The following TUBGCP3 variants were observed in gnomAD, a reference collection of about 807,000 sequenced individuals.
TUBGCP3 encodes the protein tubulin gamma complex component 3, also known as gamma-tubulin complex component 3.
In TUBGCP3, 50 loss-of-function variants were observed where a neutral mutation model predicts 123.1. That is an observed-to-expected ratio of 0.41 (90% CI 0.32 to 0.51). The LOEUF (loss-of-function observed/expected upper bound fraction) is 0.51. Among genes scored for constraint, TUBGCP3 ranks in the 20% least tolerant of loss-of-function variants. The pLI is 0.36. For missense variants in TUBGCP3, 882 were observed against 1,127.0 expected (o/e 0.78, Z 3.11); for synonymous variants, 405 against 413.9 (o/e 0.98, Z 0.26).
At chr13:112,566,996 A>G (rs1003964277) in intron 2 of TUBGCP3, among the ~76,000 whole-genome samples, 2 of 152,252 alleles carry the variant, frequency 1.3e-5, no homozygotes, top group Non-Finnish European at 2.9e-5. Context: ...CCATAACTCA[A>G]CTGATCTATC....
At chr13:112,516,834 T>C (rs1428534637) in intron 16 of TUBGCP3, among the ~76,000 whole-genome samples, 1 of 152,084 alleles carries the variant, frequency 6.6e-6, no homozygotes, top group East Asian at 1.9e-4. Context: ...GTCTAAAATG[T>C]GGACTCTTCA....
intron 21 of TUBGCP3, among the ~76,000 whole-genome samples, chr13:112,486,904 C>T (rs138902048): frequency 6.6e-6 from 1 of 152,242 alleles, no homozygotes; most frequent in Non-Finnish European, 1.5e-5. Flanking sequence ...TGCGTCCTCA[C>T]CAAGCCCCGC....
chr13:112,564,097 T>C (rs1179467628), intron 3 of TUBGCP3, among the ~76,000 whole-genome samples: 18 of 152,122 alleles, frequency 1.2e-4, no homozygotes. Context: ...CAGTTTGAAA[T>C]AATTTGCCTG....
intron 8 of TUBGCP3, among the ~76,000 whole-genome samples, chr13:112,551,003 G>A (rs906235624): frequency 2.0e-5 from 3 of 152,128 alleles, no homozygotes; most frequent in Non-Finnish European, 4.4e-5. Flanking sequence ...GGAGGCTGAG[G>A]AAGGAGAATG....
In TUBGCP3 at chr13:112,510,378, C is replaced by G. The variant is rs528304528; in HGVS notation, c.2087-5664G>C. ...AATTTGTTCACAATTTCAAAATCAC[C>G]TCCTCAACCCGTATTTATGTATTTA... On this transcript the variant is annotated intron_variant, in intron 17 of 21. Coordinates refer to ENST00000261965, the MANE Select transcript of TUBGCP3 (RefSeq NM_006322.6). Among the ~76,000 whole-genome samples the G allele has an allele frequency of 2.0e-5, 3 of 152,194 alleles. No homozygotes were observed. In the East Asian group the frequency reaches 5.8e-4, roughly 29 times the overall value.
intron 3 of TUBGCP3, among the ~76,000 whole-genome samples, chr13:112,563,714 A>C (rs1395234675): frequency 6.6e-6 from 1 of 150,998 alleles, no homozygotes; most frequent in Admixed American, 6.6e-5. Flanking sequence ...ATACCAAAAA[A>C]AAAAAAAAAA....
At chr13:112,551,016 G>A (rs540822891) in intron 8 of TUBGCP3, among the ~76,000 whole-genome samples, 204 of 152,166 alleles carry the variant, frequency 1.3e-3, no homozygotes, top group Non-Finnish European at 2.4e-3. Flanking sequence ...GGAGAATGGC[G>A]TGAACATGGG....
At chr13:112,564,935 C>A (rs1880837255) in intron 3 of TUBGCP3, among the ~76,000 whole-genome samples, 176 bp downstream of exon 3, 2 of 152,180 alleles carry the variant, frequency 1.3e-5, no homozygotes, top group Admixed American at 6.5e-5. Flanking sequence ...TTAAATCCAG[C>A]TAAAACTTCT....
chr13:112,588,010 G>C lies in TUBGCP3; in HGVS notation c.-30C>G. 7.0e-7 allele frequency: 1 copy of C among 1,435,284 alleles called. No individual in the cohort carries two copies. Among genetic ancestry groups the C allele is most frequent in the Non-Finnish European group, 9.2e-7 (1 of 1,089,224 alleles). The allele number at this position is 1,435,284 out of a possible 1,614,324, so 88.9% of individuals were successfully genotyped here. On this transcript the variant is annotated 5_prime_UTR_variant, in exon 1 of 22. Transcript: ENST00000261965. ...GCCCGGAGCCGTGCACGGTGGTCCGGGCAGAGCCGCCACTGCCGCCGCACG... is the reference window on the plus strand; with the variant it reads ...GCCCGGAGCCGTGCACGGTGGTCCGCGCAGAGCCGCCACTGCCGCCGCACG...
rs553763197 is a variant in TUBGCP3 at position 112,560,027 on chromosome 13, G to C, written c.253-628C>G. Reference sequence around the variant, plus strand: ...CACGCACCTGTAGTCCCAGCTACTCGGGAGGCTGAGACACGAGAATCACTT... The same window carrying C: ...CACGCACCTGTAGTCCCAGCTACTCCGGAGGCTGAGACACGAGAATCACTT... On this transcript the variant is annotated intron_variant, in intron 3 of 21. Coordinates refer to ENST00000261965, the MANE Select transcript of TUBGCP3 (RefSeq NM_006322.6). 2.0e-5 allele frequency among the ~76,000 whole-genome samples: 3 copies of C among 152,012 alleles called. No individual in the cohort carries two copies. In the South Asian group the frequency reaches 6.2e-4, roughly 32 times the overall value.
At chr13:112,576,378 C>G (rs920731426) in intron 1 of TUBGCP3, among the ~76,000 whole-genome samples, 1 of 152,184 alleles carries the variant, frequency 6.6e-6, no homozygotes, top group African/African-American at 2.4e-5. Flanking sequence ...GCACTTCAAA[C>G]TTGCAGTCAT....
chr13:112,520,581 C>T (rs1876537855), intron 14 of TUBGCP3, among the ~76,000 whole-genome samples: 1 of 152,182 alleles, frequency 6.6e-6, no homozygotes, highest in African/African-American at 2.4e-5. Flanking sequence ...ATTGAAAGTA[C>T]TTAAATGTGC....
At chr13:112,521,295 G>C (rs1214522930) in intron 14 of TUBGCP3, among the ~76,000 whole-genome samples, 1 of 152,228 alleles carries the variant, frequency 6.6e-6, no homozygotes, top group Non-Finnish European at 1.5e-5. Context: ...ACTAAGGCAT[G>C]AGCATGTCAC....
chr13:112,525,781 C>T (rs1359315501), intron 13 of TUBGCP3, among the ~76,000 whole-genome samples: 1 of 152,198 alleles, frequency 6.6e-6, no homozygotes, highest in Non-Finnish European at 1.5e-5. Flanking sequence ...GCCTTTGCAT[C>T]CCAAAGAATA....
At position 112,486,122 on chromosome 13, in the gene TUBGCP3, C is replaced by A; in HGVS notation, c.2595G>T (p.Leu865=). The A allele has an allele frequency of 6.2e-7, 1 of 1,609,278 alleles. No homozygotes were observed. Among genetic ancestry groups the A allele is most frequent in the Non-Finnish European group, 8.5e-7 (1 of 1,177,322 alleles). ...GAAGACTCTCGTCAGAGCTGGTCGT[C>A]AGTAACACCAAAAACTGCTGCACGA... is the stretch of plus-strand genomic sequence containing the variant. The part of the protein sequence containing the change: ...QGIVQQFLVL[L]TTSSDESLRF... Residue 865 remains leucine, a synonymous_variant, in exon 22 of 22, where the codon CTG becomes CTT. Coordinates refer to ENST00000261965, the MANE Select transcript of TUBGCP3 (RefSeq NM_006322.6).
intron 1 of TUBGCP3, among the ~76,000 whole-genome samples, chr13:112,569,960 G>C (rs1881273515): frequency 6.6e-6 from 1 of 152,094 alleles, no homozygotes; most frequent in African/African-American, 2.4e-5. Flanking sequence ...ATGTCAAGAA[G>C]AAATAACAGT....
At chr13:112,530,508 C>T (rs1188795504) in intron 11 of TUBGCP3, among the ~76,000 whole-genome samples, 5 of 152,230 alleles carry the variant, frequency 3.3e-5, no homozygotes, top group Admixed American at 1.3e-4. Context: ...CAACCAACGG[C>T]GCACACAGAA....
intron 17 of TUBGCP3, among the ~76,000 whole-genome samples, chr13:112,505,657 C>T (rs1881243804): frequency 6.6e-6 from 1 of 152,250 alleles, no homozygotes; most frequent in Admixed American, 6.5e-5. Context: ...TAACACATGA[C>T]AGCTTCGTCA....
chr13:112,595,861 C>G, the TUBGCP3 span, among the ~76,000 whole-genome samples: 1 of 152,072 alleles, frequency 6.6e-6, no homozygotes, highest in Non-Finnish European at 1.5e-5. Context: ...TATTCATTCT[C>G]TGTTTTCCAT....
Sources: allele counts gnomAD v4.1 joint callset (sites outside exome capture counted in the v4.1 genomes callset), GRCh38; gene constraint gnomAD v4.1.1; transcripts MANE v1.5; gene names NCBI Gene and HGNC (gene_info 2026-07-23, HGNC 2026-07-21).